SNRPG: variants seen among roughly 807,000 people sequenced by gnomAD.
SNRPG encodes the protein small nuclear ribonucleoprotein G.
A neutral mutation model predicts 13.9 loss-of-function variants in SNRPG; 3 were observed. That is an observed-to-expected ratio of 0.22 (90% CI 0.10 to 0.56). The LOEUF is 0.56. Among genes scored for constraint, SNRPG ranks in the 20% least tolerant of loss-of-function variants. The pLI, the probability that SNRPG is intolerant of heterozygous loss-of-function variation, is 0.93. For synonymous variants in SNRPG, 29 were observed against 29.3 expected, an observed-to-expected ratio of 0.99 and a Z score of 0.03; for missense variants, 34 against 96.1, an observed-to-expected ratio of 0.35 and a Z score of 2.70.
At chr2:70,288,765 T>C (rs568594333) in intron 2 of SNRPG, among the ~76,000 whole-genome samples, 5 of 152,332 alleles carry the variant, frequency 3.3e-5, no homozygotes, top group South Asian at 2.1e-4. Flanking sequence ...TCTAAGTCCT[T>C]TGTAGCTTGT....
At chr2:70,287,726 T>C (rs1342423306) in intron 3 of SNRPG, 1 of 394,836 alleles carries the variant, frequency 2.5e-6, no homozygotes, top group African/African-American at 2.0e-5. Flanking sequence ...AGAATCTTCA[T>C]TTTAAGAAGA....
rs61249330 is a variant in SNRPG at position 70,291,830 on chromosome 2, TA to T, written c.32+1787del. On this transcript the variant is annotated intron_variant, in intron 1 of 3. Coordinates refer to ENST00000272348, the MANE Select transcript of SNRPG (RefSeq NM_003096.4). ...TACAAGTAGAGAATGGTCTTTTTGT[TA>T]AAAAAAAAAAAATCACCATTTCACC... 7.3e-3 allele frequency among the ~76,000 whole-genome samples: 1,046 copies of T among 144,178 alleles called. 11 individuals carry two copies. Among genetic ancestry groups the T allele is most frequent in the African/African-American group, 0.018 (713 of 39,530 alleles). 94.6% of individuals were successfully genotyped at this position (144,178 alleles called of 152,430 possible).
chr2:70,289,996 A>G (rs995481985), intron 1 of SNRPG, among the ~76,000 whole-genome samples: 10 of 150,394 alleles, frequency 6.6e-5, no homozygotes, highest in Non-Finnish European at 1.5e-4. Flanking sequence ...ATTGACCTAA[A>G]TTTCTTTCTT....
chr2:70,288,946 T>G (rs1195124867), intron 2 of SNRPG, among the ~76,000 whole-genome samples: 4 of 152,136 alleles, frequency 2.6e-5, no homozygotes, highest in Non-Finnish European at 4.4e-5. Flanking sequence ...AGAGGTCCTG[T>G]GTGCTTTAAA....
chr2:70,293,728 T>C lies in SNRPG; in HGVS notation c.-79A>G, dbSNP rs1225022321. ...TCACGCTCCCGCTGTAGGCCCGGCG[T>C]CTTGCGTCTGGCGTCATCGACCTCG... On this transcript the variant is annotated 5_prime_UTR_variant, in exon 1 of 4. Coordinates refer to ENST00000272348, the MANE Select transcript of SNRPG (RefSeq NM_003096.4). 2 of 1,383,322 alleles carry C rather than the reference T, an allele frequency of 1.4e-6. No individual in the cohort carries two copies. The highest frequency in any genetic ancestry group is 1.7e-5 in the Admixed American group (1 of 59,718). 85.7% of individuals were successfully genotyped at this position (1,383,322 alleles called of 1,614,324 possible).
At chr2:70,289,109 C>G (rs1472228424) in intron 2 of SNRPG, among the ~76,000 whole-genome samples, 1 of 152,144 alleles carries the variant, frequency 6.6e-6, no homozygotes, top group African/African-American at 2.4e-5. Context: ...CGCCACTGCA[C>G]CCGGCTAATT....
chr2:70,289,901 A>C (rs577552079), intron 1 of SNRPG, among the ~76,000 whole-genome samples: 4 of 152,324 alleles, frequency 2.6e-5, no homozygotes, highest in South Asian at 2.1e-4. Context: ...AATAAAAATG[A>C]AACATATTTA....
intron 1 of SNRPG, chr2:70,291,453 T>C (rs1697094817): frequency 6.6e-6 from 1 of 152,222 alleles, no homozygotes; most frequent in Non-Finnish European, 1.5e-5. Flanking sequence ...ACTTCTATAC[T>C]ACTGACATTT....
At chr2:70,283,837 T>C (rs548123250) in intron 3 of SNRPG, among the ~76,000 whole-genome samples, 110 of 152,316 alleles carry the variant, frequency 7.2e-4, no homozygotes, top group African/African-American at 2.2e-3. Context: ...GGTGGGCAGA[T>C]AGCTTGAGCC....
chr2:70,281,759 A>G, intron 3 of SNRPG, 75 bp from the exon 4 acceptor site: 2 of 823,830 alleles, frequency 2.4e-6, no homozygotes, highest in Admixed American at 4.7e-5. Context: ...AAGAATTTTC[A>G]CCAAATCATT....
intron 1 of SNRPG, among the ~76,000 whole-genome samples, chr2:70,292,145 A>G (rs1449130752): frequency 6.6e-6 from 1 of 151,858 alleles, no homozygotes; most frequent in East Asian, 1.9e-4. Flanking sequence ...ACGGGGTTTC[A>G]CCGTTTTAGC....
chr2:70,288,609 G>A (rs763410915), intron 2 of SNRPG, among the ~76,000 whole-genome samples: 2 of 152,164 alleles, frequency 1.3e-5, no homozygotes, highest in Non-Finnish European at 2.9e-5. Flanking sequence ...CGACAGAAGT[G>A]AGATTCAAGC....
At chr2:70,293,586 A>C (rs1697162509) in intron 1 of SNRPG, 32 bp downstream of exon 1, 1 of 1,598,372 alleles carries the variant, frequency 6.3e-7, no homozygotes, top group South Asian at 1.1e-5. Flanking sequence ...CAAATAACTG[A>C]CCACTTCGGT....
At chr2:70,285,584 GCACA>G (rs111593689) in intron 3 of SNRPG, among the ~76,000 whole-genome samples, 115 of 151,072 alleles carry the variant, frequency 7.6e-4, no homozygotes, top group Middle Eastern at 3.4e-3. Flanking sequence ...ACACGCGCGT[GCACA>G]CACACACACA....
At chr2:70,285,095 A>G (rs1397464223) in intron 3 of SNRPG, among the ~76,000 whole-genome samples, 1 of 152,210 alleles carries the variant, frequency 6.6e-6, no homozygotes, top group East Asian at 1.9e-4. Context: ...ACTTAATACT[A>G]GCCTGAAAGT....
chr2:70,281,930 C>CT lies in SNRPG; in HGVS notation c.181-247dup, dbSNP rs911128488. ...CCAAGTCTCCAATGACTAATTTCAC[C>CT]TTTTTTTTTGAGACAGTCTCACTCT... On this transcript the variant is annotated intron_variant, in intron 3 of 3. Transcript: ENST00000272348. Among the ~76,000 whole-genome samples the CT allele has an allele frequency of 3.8e-4, 58 of 151,334 alleles. 1 individual carries two copies. In the East Asian group the frequency reaches 7.0e-3, roughly 18 times the overall value.
At chr2:70,289,318 T>TAA in intron 2 of SNRPG, 32 bp downstream of exon 2, 1 of 1,313,692 alleles carries the variant, frequency 7.6e-7, no homozygotes, top group Non-Finnish European at 1.1e-6. Context: ...ATTAAATAAT[T>TAA]AAAAAAAACC....
intron 3 of SNRPG, among the ~76,000 whole-genome samples, chr2:70,284,635 T>C (rs187306454): frequency 1.7e-4 from 26 of 152,266 alleles, no homozygotes; most frequent in African/African-American, 6.3e-4. Flanking sequence ...CCTCCTGCCT[T>C]GGCCTCCCAA....
At chr2:70,286,032 A>T (rs957268128) in intron 3 of SNRPG, among the ~76,000 whole-genome samples, 3 of 151,968 alleles carry the variant, frequency 2.0e-5, no homozygotes, top group Non-Finnish European at 4.4e-5. Context: ...TGCAGCTTTG[A>T]CTTCCTGCCT....
Sources: gnomAD v4.1 joint callset for allele counts (sites outside exome capture counted in the v4.1 genomes callset) on GRCh38, gnomAD v4.1.1 for gene constraint, MANE v1.5 for transcripts, NCBI Gene and HGNC (gene_info 2026-07-23, HGNC 2026-07-21) for gene names.